C1orf116: variants seen among roughly 807,000 people sequenced by gnomAD.
C1orf116 encodes chromosome 1 open reading frame 116.
In C1orf116, 12 loss-of-function variants were observed where a neutral mutation model predicts 14.1. The observed-to-expected ratio is 0.85, with a 90% confidence interval of 0.54 to 1.38. The LOEUF (loss-of-function observed/expected upper bound fraction) is 1.38, where lower values mean the gene tolerates loss of function less well. C1orf116 is among the 40% of genes most tolerant of loss of function. The probability of loss-of-function intolerance (pLI) is 0.00; values close to 1 mark genes in which losing one functional copy is unlikely to be tolerated. For synonymous variants in C1orf116, 296 were observed against 299.0 expected (o/e 0.99, Z 0.10); for missense variants, 797 against 747.0 (o/e 1.07, Z -0.78).
Position 207,020,954 on chromosome 1 carries a change from C to A in C1orf116, c.*1004G>T, listed in dbSNP as rs1388683439. On this transcript the variant is annotated 3_prime_UTR_variant, in exon 4 of 4. Transcript: ENST00000359470. ...AGAGCTTCTCTGAGGCCCCTCTTACCTCTGATATTCTATTAAGACTGGCAG... is the reference window on the plus strand; with the variant it reads ...AGAGCTTCTCTGAGGCCCCTCTTACATCTGATATTCTATTAAGACTGGCAG... The A allele has an allele frequency of 6.6e-6, 1 of 152,208 alleles. No homozygotes were observed. The highest frequency in any genetic ancestry group is 1.5e-5 in the Non-Finnish European group (1 of 68,038). 9.4% of individuals were successfully genotyped at this position (152,208 alleles called of 1,614,324 possible).
chr1:207,032,521 C>T (rs949905367), intron 1 of C1orf116, 58 bp downstream of exon 1: 2 of 976,600 alleles, frequency 2.0e-6, no homozygotes, highest in African/African-American at 3.5e-5. Flanking sequence ...TCTGATTTCC[C>T]ATGAAACCCC....
At chr1:207,030,105 C>T (rs929022654) in intron 1 of C1orf116, among the ~76,000 whole-genome samples, 1 of 152,218 alleles carries the variant, frequency 6.6e-6, no homozygotes, top group Non-Finnish European at 1.5e-5. Flanking sequence ...AAAAGCACTG[C>T]TTCACAAGAA....
At chr1:207,027,904 A>T (rs529264505) in intron 1 of C1orf116, among the ~76,000 whole-genome samples, 1 of 152,364 alleles carries the variant, frequency 6.6e-6, no homozygotes, top group African/African-American at 2.4e-5. Flanking sequence ...CTAGTCAGAA[A>T]GAAGCTTCTA....
rs1190707069 is a variant in C1orf116, at chr1:207,022,312, CAG to C, written c.1450_1451del (p.Leu484GlyfsTer14). ...LRQMNFKSNT[L>X]ERSGVGLSSY... is the part of the protein sequence containing the mutation. ...TGCTCAGTCCCACGCCTGAGCGCTC[CAG>C]AGTGTTGGACTTGAAGTTCATCTGT... On this transcript the variant is annotated frameshift_variant, in exon 4 of 4. Transcript: ENST00000359470. LOFTEE classifies it high-confidence loss of function. 1 of 1,613,764 alleles carries C rather than the reference CAG, an allele frequency of 6.2e-7. No individual in the cohort carries two copies. Among genetic ancestry groups the C allele is most frequent in the Non-Finnish European group, 8.5e-7 (1 of 1,179,886 alleles).
rs765147412 is a variant in C1orf116 at position 207,024,988 on chromosome 1, A to G, written c.182T>C (p.Leu61Pro). The change falls in exon 3 of 4, where the codon CTG (leucine) becomes CCG (proline). Residue 61 changes from leucine (L) to proline (P), a missense_variant. By Grantham distance (98) the Leu-to-Pro change is moderately conservative. Transcript: ENST00000359470. ...CAGTCCGCTGTCAGCCTCCGTGTCC[A>G]GTGAGCCAATGGTCTCCTCCAGGAA... ...LLFLEETIGSLDTEADSGLST... is the reference protein window; with the variant it reads ...LLFLEETIGSPDTEADSGLST... 3.1e-6 allele frequency: 5 copies of G among 1,608,140 alleles called. No homozygotes were observed. Among genetic ancestry groups the G allele is most frequent in the Non-Finnish European group, 4.2e-6 (5 of 1,176,736 alleles).
rs537048734 is a variant in C1orf116, at chr1:207,024,848, G to C, written c.283+39C>G. On this transcript the variant is annotated intron_variant, in intron 3 of 3. Coordinates refer to ENST00000359470, the MANE Select transcript of C1orf116 (RefSeq NM_023938.6). The stretch of plus-strand genomic sequence containing the variant: ...GCCGGAGGGGACATATTGATTTTCT[G>C]GGTTTTGCTGGGGTTCCACCCCAGA... 3.1e-6 allele frequency: 5 copies of C among 1,593,890 alleles called. No individual in the cohort carries two copies. In the East Asian group the frequency reaches 1.1e-4, roughly 36 times the overall value.
rs1275612362 is a variant in C1orf116, at chr1:207,027,616, A to G, written c.-18T>C. On this transcript the variant is annotated 5_prime_UTR_variant, in exon 2 of 4. Coordinates refer to ENST00000359470, the MANE Select transcript of C1orf116 (RefSeq NM_023938.6). ...TCGGGCATCACCCGAAACAAGGTGC[A>G]GGGATGGCAAAGGGGGCTTCTAGAG... 6.2e-7 allele frequency: 1 copy of G among 1,609,740 alleles called. No homozygotes were observed. Among genetic ancestry groups the G allele is most frequent in the Non-Finnish European group, 8.5e-7 (1 of 1,179,712 alleles).
chr1:207,021,909 T>C lies in C1orf116; in HGVS notation c.*49A>G, dbSNP rs780380334. 1.6e-5 allele frequency: 23 copies of C among 1,472,874 alleles called. No individual in the cohort carries two copies. Among genetic ancestry groups the C allele is most frequent in the South Asian group, 4.7e-5 (3 of 64,028 alleles). The allele number at this position is 1,472,874 out of a possible 1,614,324, so 91.2% of individuals were successfully genotyped here. On this transcript the variant is annotated 3_prime_UTR_variant, in exon 4 of 4. Coordinates refer to ENST00000359470, the MANE Select transcript of C1orf116 (RefSeq NM_023938.6). ...GTGGCAAAGGCTCCCAAGTGGAGCA[T>C]GTGTCTCTTCTTGTTCAGCCAGGAC... is the stretch of plus-strand genomic sequence containing the variant.
chr1:207,022,307 C>G lies in C1orf116; in HGVS notation c.1457G>C (p.Arg486Pro). 1 of 1,613,778 alleles carries G rather than the reference C, an allele frequency of 6.2e-7. No homozygotes were observed. Among genetic ancestry groups the G allele is most frequent in the Non-Finnish European group, 8.5e-7 (1 of 1,179,868 alleles). Residue 486 changes from arginine to proline, a missense_variant, in exon 4 of 4, where the codon CGC (arginine) becomes CCC (proline). By Grantham distance (103) the Arg-to-Pro change is moderately radical. Coordinates refer to ENST00000359470, the MANE Select transcript of C1orf116 (RefSeq NM_023938.6). ...QMNFKSNTLE[R>P]SGVGLSSYLS... is the part of the protein sequence containing the mutation. Reference sequence around the variant, plus strand: ...GTAGCTGCTCAGTCCCACGCCTGAGCGCTCCAGAGTGTTGGACTTGAAGTT... The same window carrying G: ...GTAGCTGCTCAGTCCCACGCCTGAGGGCTCCAGAGTGTTGGACTTGAAGTT...
Position 207,022,897 on chromosome 1 carries a change from T to C in C1orf116, c.867A>G (p.Arg289=). The C allele has an allele frequency of 6.2e-7, 1 of 1,614,068 alleles. No individual in the cohort carries two copies. The highest frequency in any genetic ancestry group is 8.5e-7 in the Non-Finnish European group (1 of 1,179,990). The change falls in exon 4 of 4, where the codon CGA becomes CGG. Residue 289 remains arginine (R), a synonymous_variant. Coordinates refer to ENST00000359470, the MANE Select transcript of C1orf116 (RefSeq NM_023938.6). ...GCTTAGGGGTTGTGAGGGGAGCTAG[T>C]CGGCTGTTTGGGTCCTCCCCTGATG... ...PLSSGEDPNS[R]LAPLTTPKPR...
In C1orf116 at chr1:207,022,452, T is replaced by C. The variant is rs756801365; in HGVS notation, c.1312A>G (p.Ser438Gly). 1 of 1,614,192 alleles carries C rather than the reference T, an allele frequency of 6.2e-7. No individual in the cohort carries two copies. The highest frequency in any genetic ancestry group is 8.5e-7 in the Non-Finnish European group (1 of 1,180,012). Residue 438 changes from serine (S) to glycine (G), a missense_variant, in exon 4 of 4, where the codon AGC (serine) becomes GGC (glycine). Ser to Gly is a moderately conservative substitution (Grantham distance 56, BLOSUM62 0). Transcript: ENST00000359470. ...GGGATAGAAATTGGCATAGATTTGC[T>C]AGCTGCAACATTGCCTGGAGCTGGA... is the stretch of plus-strand genomic sequence containing the variant. ...KSPAPGNVAA[S>G]KSMPISIPKA...
intron 1 of C1orf116, among the ~76,000 whole-genome samples, chr1:207,028,821 T>C (rs765910782): frequency 6.6e-6 from 1 of 152,202 alleles, no homozygotes; most frequent in Non-Finnish European, 1.5e-5. Flanking sequence ...AGAATTAAGA[T>C]GAAAAGACAG....
intron 3 of C1orf116, among the ~76,000 whole-genome samples, 197 bp from the exon 4 acceptor site, chr1:207,023,677 C>CAGTAATAGCA (rs1681963015): frequency 6.6e-6 from 1 of 152,134 alleles, no homozygotes; most frequent in African/African-American, 2.4e-5. Flanking sequence ...ACTAATAGAT[C>CAGTAATAGCA]AGTAATAGCA....
At chr1:207,028,183 C>T (rs887793694) in intron 1 of C1orf116, among the ~76,000 whole-genome samples, 2 of 151,990 alleles carry the variant, frequency 1.3e-5, no homozygotes, top group Admixed American at 1.3e-4. Flanking sequence ...CCTCATGAGT[C>T]AATAATTAAC....
Position 207,021,946 on chromosome 1 carries a change from T to C in C1orf116, c.*12A>G. ...TGTTCAGCCAGGACAGGGTCTGTAC[T>C]GGTCGCAGAGTCTACTCCTTCAACA... On this transcript the variant is annotated 3_prime_UTR_variant, in exon 4 of 4. Transcript: ENST00000359470. 6.6e-7 allele frequency: 1 copy of C among 1,517,782 alleles called. No homozygotes were observed. The highest frequency in any genetic ancestry group is 8.8e-7 in the Non-Finnish European group (1 of 1,134,118). The allele number at this position is 1,517,782 out of a possible 1,614,324, so 94.0% of individuals were successfully genotyped here. A position where few individuals can be genotyped will look rare whatever the true frequency, so the allele number is the denominator to read the frequency against.
chr1:207,027,494 A>G lies in C1orf116; in HGVS notation c.105T>C (p.Ser35=), dbSNP rs780838999. Reference sequence around the variant, plus strand: ...TTGCGGGAGGGAGAGTATTACGTACAGATCCAGAGCGGGTGGAGGTGCTGC... The same window carrying G: ...TTGCGGGAGGGAGAGTATTACGTACGGATCCAGAGCGGGTGGAGGTGCTGC... ...MMSSTSTRSG[S]SDSSYDFLST... is the part of the protein sequence containing the mutation. The change falls in exon 2 of 4, where the codon TCT becomes TCC. Residue 35 remains serine, a splice_region_variant and synonymous_variant. Coordinates refer to ENST00000359470, the MANE Select transcript of C1orf116 (RefSeq NM_023938.6). 6.2e-7 allele frequency: 1 copy of G among 1,613,880 alleles called. No homozygotes were observed.
At chr1:207,031,979 T>C (rs75268919) in intron 1 of C1orf116, among the ~76,000 whole-genome samples, 4,926 of 152,296 alleles carry the variant, frequency 0.032, 251 homozygotes, top group African/African-American at 0.11. Flanking sequence ...AAAGATGAGC[T>C]GGTAGCTGAA....
intron 2 of C1orf116, among the ~76,000 whole-genome samples, chr1:207,026,979 T>A (rs1029324271): frequency 6.6e-6 from 1 of 152,226 alleles, no homozygotes; most frequent in Admixed American, 6.5e-5. Context: ...GAACACTAAG[T>A]ATCCCATTTG....
At position 207,022,722 on chromosome 1, in the gene C1orf116, T is replaced by A; in HGVS notation, c.1042A>T (p.Lys348Ter). 6.2e-7 allele frequency: 1 copy of A among 1,614,202 alleles called. No homozygotes were observed. Among genetic ancestry groups the A allele is most frequent in the Non-Finnish European group, 8.5e-7 (1 of 1,180,030 alleles). The change falls in exon 4 of 4, where the codon AAA (lysine) becomes TAA (stop). Residue 348 changes from lysine to a stop codon, truncating the protein, a stop_gained. Coordinates refer to ENST00000359470, the MANE Select transcript of C1orf116 (RefSeq NM_023938.6). LOFTEE classifies it low-confidence loss of function (END_TRUNC). ...CSLQEQRKAR[K>*]EALEKLGLPQ... The stretch of plus-strand genomic sequence containing the variant: ...AGCCCCAGCTTCTCTAGAGCTTCTT[T>A]ACGTGCTTTTCTCTGCTCTTGCAGT...
Sources: gnomAD v4.1 joint callset for allele counts (sites outside exome capture counted in the v4.1 genomes callset) on GRCh38, gnomAD v4.1.1 for gene constraint, MANE v1.5 for transcripts, NCBI Gene and HGNC (gene_info 2026-07-23, HGNC 2026-07-21) for gene names.